STAT1: variants seen among roughly 807,000 people sequenced by gnomAD.
STAT1 encodes signal transducer and activator of transcription 1-alpha/beta.
STAT1 carries 24 observed loss-of-function variants against 111.7 expected under a neutral mutation model. That is an observed-to-expected ratio of 0.21 (90% CI 0.16 to 0.30). The LOEUF is 0.30. Among genes scored for constraint, STAT1 ranks in the 10% least tolerant of loss-of-function variants. The pLI is 1.00. For synonymous variants in STAT1, 332 were observed against 326.5 expected (o/e 1.02, Z -0.18); for missense variants, 351 against 911.9 (o/e 0.38, Z 7.92).
At chr2:190,992,207 C>T in intron 10 of STAT1, among the ~76,000 whole-genome samples, 1 of 152,134 alleles carries the variant, frequency 6.6e-6, no homozygotes, top group Non-Finnish European at 1.5e-5. Context: ...ACTAGCAAAT[C>T]AGATCTTACA....
At chr2:190,992,523 A>G (rs926172447) in intron 10 of STAT1, 13 of 307,782 alleles carry the variant, frequency 4.2e-5, no homozygotes, top group Admixed American at 3.1e-4. Context: ...ACCTCTGTGG[A>G]TATGGTAAGA....
intron 12 of STAT1, among the ~76,000 whole-genome samples, chr2:190,988,454 C>T (rs1399360133): frequency 6.6e-6 from 1 of 152,236 alleles, no homozygotes; most frequent in African/African-American, 2.4e-5. Flanking sequence ...TCTCAGCTCA[C>T]TGCAACCTCT....
At position 190,993,128 on chromosome 2, in the gene STAT1, C is replaced by A; in HGVS notation, c.945-1808G>T. Reference sequence around the variant, plus strand: ...AGCACTAGTTTCCAAAAACAGAATTCCAAGGGAATCAGCAAATTCCTTGGC... The same window carrying A: ...AGCACTAGTTTCCAAAAACAGAATTACAAGGGAATCAGCAAATTCCTTGGC... On this transcript the variant is annotated intron_variant, in intron 10 of 24. Transcript: ENST00000361099. This position sits in a 1 kb window ranked among gnomAD's most constrained non-coding sequence, Gnocchi z 4.1. 2.4e-6 allele frequency: 1 copy of A among 422,262 alleles called. No individual in the cohort carries two copies. Among genetic ancestry groups the A allele is most frequent in the South Asian group, 2.1e-5 (1 of 47,250 alleles). 26.2% of individuals were successfully genotyped at this position (422,262 alleles called of 1,614,324 possible). A position where few individuals can be genotyped will look rare whatever the true frequency, so the allele number is the denominator to read the frequency against.
intron 10 of STAT1, among the ~76,000 whole-genome samples, chr2:190,994,746 C>T (rs1015777072): frequency 1.3e-5 from 2 of 151,566 alleles, no homozygotes; most frequent in Non-Finnish European, 2.9e-5. Flanking sequence ...CATGGCGAAA[C>T]CCAGTCTCTA....
Position 191,003,515 on chromosome 2 carries a change from T to TG in STAT1, c.373-2353dup, listed in dbSNP as rs1694442823. On this transcript the variant is annotated intron_variant, in intron 5 of 24. Transcript: ENST00000361099. This position sits in a 1 kb window ranked among gnomAD's most constrained non-coding sequence, Gnocchi z 4.0. ...CATGAATAGTTTAGCACCATCCTCTTGGTACTATCCTTGTGATCACGAGTT... is the reference window on the plus strand; with the variant it reads ...CATGAATAGTTTAGCACCATCCTCTTGGGTACTATCCTTGTGATCACGAGTT... Among the ~76,000 whole-genome samples the TG allele has an allele frequency of 6.6e-6, 1 of 152,172 alleles. No homozygotes were observed. The highest frequency in any genetic ancestry group is 2.4e-5 in the African/African-American group (1 of 41,430).
chr2:190,975,702 C>A lies in STAT1; in HGVS notation c.2135+110G>T. ...ATCTCAACAAGTTCAGCTGTGATGG[C>A]GATAGCAATTACAATGGAAAAGTAA... On this transcript the variant is annotated intron_variant, in intron 23 of 24. Transcript: ENST00000361099. This position sits in a 1 kb window ranked among gnomAD's most constrained non-coding sequence, Gnocchi z 5.9. 6.5e-7 allele frequency: 1 copy of A among 1,549,362 alleles called. No homozygotes were observed. The highest frequency in any genetic ancestry group is 1.2e-5 in the South Asian group (1 of 84,666).
intron 15 of STAT1, among the ~76,000 whole-genome samples, chr2:190,985,051 C>T (rs191852145): frequency 6.6e-6 from 1 of 152,344 alleles, no homozygotes; most frequent in Admixed American, 6.5e-5. Flanking sequence ...AAGGACTGCA[C>T]ACTGTGTGTG....
rs138109229 is a variant in STAT1 at position 190,982,016 on chromosome 2, G to A, written c.1582+367C>T. On this transcript the variant is annotated intron_variant, in intron 18 of 24. Coordinates refer to ENST00000361099, the MANE Select transcript of STAT1 (RefSeq NM_007315.4). This position sits in a 1 kb window ranked among gnomAD's most constrained non-coding sequence, Gnocchi z 7.3. ...GCCCCAGGACTTTATTTCTCATCAT[G>A]TCAGGGACTTCCTTTTTTCTCCCCA... Among the ~76,000 whole-genome samples, 113 of 152,360 alleles carry A rather than the reference G, an allele frequency of 7.4e-4. No homozygotes were observed. The highest frequency in any genetic ancestry group is 3.4e-3 in the Middle Eastern group (1 of 294).
At position 190,969,200 on chromosome 2, in the gene STAT1, A is replaced by G. The variant is rs1559001454; in HGVS notation, c.*1503T>C. ...TCTTCTTTGTTTTTTAGTCATTTCA[A>G]TTGTAAAATCAACTGAAACTTAGGT... is the stretch of plus-strand genomic sequence containing the variant. On this transcript the variant is annotated 3_prime_UTR_variant, in exon 25 of 25. Coordinates refer to ENST00000361099, the MANE Select transcript of STAT1 (RefSeq NM_007315.4). The G allele has an allele frequency of 6.6e-6, 1 of 152,168 alleles. No individual in the cohort carries two copies. Among genetic ancestry groups the G allele is most frequent in the Non-Finnish European group, 1.5e-5 (1 of 68,004 alleles). 9.4% of individuals were successfully genotyped at this position (152,168 alleles called of 1,614,324 possible). A position where few individuals can be genotyped will look rare whatever the true frequency, so the allele number is the denominator to read the frequency against.
At chr2:191,011,462 G>T (rs1404487527) in intron 2 of STAT1, among the ~76,000 whole-genome samples, 1 of 152,102 alleles carries the variant, frequency 6.6e-6, no homozygotes, top group Non-Finnish European at 1.5e-5. Flanking sequence ...TGTCATCCAG[G>T]TTGGAGCGCA....
At position 190,975,907 on chromosome 2, in the gene STAT1, G is replaced by A. The variant is rs770276108; in HGVS notation, c.2060-20C>T. The A allele has an allele frequency of 6.3e-7, 1 of 1,597,390 alleles. No individual in the cohort carries two copies. The highest frequency in any genetic ancestry group is 1.7e-5 in the Admixed American group (1 of 59,978). ...CTGGTGCTAGAAATAAACACATTGT[G>A]TACGCTTTCCATCAACCGAAATTCC... On this transcript the variant is annotated intron_variant, in intron 22 of 24. Coordinates refer to ENST00000361099, the MANE Select transcript of STAT1 (RefSeq NM_007315.4). The surrounding 1 kb of genome is among the most constrained non-coding windows in gnomAD (Gnocchi z 5.9).
rs1692862480 is a variant in STAT1, at chr2:190,986,783, A to G, written c.1221+71T>C. 3.4e-6 allele frequency: 5 copies of G among 1,480,654 alleles called. No homozygotes were observed. The highest frequency in any genetic ancestry group is 1.1e-5 in the South Asian group (1 of 88,340). 91.7% of individuals were successfully genotyped at this position (1,480,654 alleles called of 1,614,324 possible). ...GCGTCCTCCACATGGCAATGTGCCAAAAAGGGCTGCTCTATTGTCAAAAGT... is the reference window on the plus strand; with the variant it reads ...GCGTCCTCCACATGGCAATGTGCCAGAAAGGGCTGCTCTATTGTCAAAAGT... On this transcript the variant is annotated intron_variant, in intron 14 of 24. Transcript: ENST00000361099. The surrounding 1 kb of genome is among the most constrained non-coding windows in gnomAD (Gnocchi z 5.0).
In STAT1 at chr2:190,981,123, G is replaced by C. The variant is rs1283675835; in HGVS notation, c.1583-454C>G. Among the ~76,000 whole-genome samples the C allele has an allele frequency of 6.6e-6, 1 of 152,044 alleles. No individual in the cohort carries two copies. The highest frequency in any genetic ancestry group is 2.4e-5 in the African/African-American group (1 of 41,396). On this transcript the variant is annotated intron_variant, in intron 18 of 24. Coordinates refer to ENST00000361099, the MANE Select transcript of STAT1 (RefSeq NM_007315.4). This position sits in a 1 kb window ranked among gnomAD's most constrained non-coding sequence, Gnocchi z 4.1. ...ACTTTGCCTTTTGCACTAAATCAAA[G>C]GTGTTCTGCTGGGCCTCCTAGAGAA...
chr2:190,974,407 T>C lies in STAT1; in HGVS notation c.2238+423A>G, dbSNP rs1691737351. ...TCATTGCTGCTAAAGTATAATTCTC[T>C]CTAATTACTGTAACTACCAAGCGTT... On this transcript the variant is annotated intron_variant, in intron 24 of 24. Coordinates refer to ENST00000361099, the MANE Select transcript of STAT1 (RefSeq NM_007315.4). This position sits in a 1 kb window ranked among gnomAD's most constrained non-coding sequence, Gnocchi z 4.8. Among the ~76,000 whole-genome samples, 1 of 152,204 alleles carries C rather than the reference T, an allele frequency of 6.6e-6. No homozygotes were observed. The highest frequency in any genetic ancestry group is 2.4e-5 in the African/African-American group (1 of 41,438).
rs747184957 is a variant in STAT1, at chr2:190,993,402, C to A, written c.944+1659G>T. 6 of 1,391,832 alleles carry A rather than the reference C, an allele frequency of 4.3e-6. No individual in the cohort carries two copies. Among genetic ancestry groups the A allele is most frequent in the Admixed American group, 1.9e-5 (1 of 52,298 alleles). The allele number at this position is 1,391,832 out of a possible 1,614,324, so 86.2% of individuals were successfully genotyped here. ...ATTTGAAGCTTGATTGTTTTCCCGT[C>A]TAACTCTATAGTTCTTATTTTGAAA... On this transcript the variant is annotated intron_variant, in intron 10 of 24. Transcript: ENST00000361099. This position sits in a 1 kb window ranked among gnomAD's most constrained non-coding sequence, Gnocchi z 4.1.
Position 190,984,906 on chromosome 2 carries a change from A to G in STAT1, c.1264-513T>C, listed in dbSNP as rs931123256. Among the ~76,000 whole-genome samples, 3 of 152,214 alleles carry G rather than the reference A, an allele frequency of 2.0e-5. No individual in the cohort carries two copies. Among genetic ancestry groups the G allele is most frequent in the Non-Finnish European group, 2.9e-5 (2 of 68,042 alleles). ...CATGTGAGCCTCACAACTTAGAACTAGAGAGGTGCAACAGCTAGACCCAGG... is the reference window on the plus strand; with the variant it reads ...CATGTGAGCCTCACAACTTAGAACTGGAGAGGTGCAACAGCTAGACCCAGG... On this transcript the variant is annotated intron_variant, in intron 15 of 24. Coordinates refer to ENST00000361099, the MANE Select transcript of STAT1 (RefSeq NM_007315.4). The surrounding 1 kb of genome is among the most constrained non-coding windows in gnomAD (Gnocchi z 5.2).
At chr2:190,972,908 C>G (rs16824035) in intron 24 of STAT1, among the ~76,000 whole-genome samples, 1 of 150,774 alleles carries the variant, frequency 6.6e-6, no homozygotes, top group African/African-American at 2.4e-5. Context: ...TGAAATGGAA[C>G]GGAATGGCTA....
In STAT1 at chr2:190,979,859, A is replaced by T; in HGVS notation, c.1640T>A (p.Ile547Lys). ...CCAGAAGGGAAAATTTTTATCATTT[A>T]TATTTTCCTGAAAGTATACAAATGC... ...IPWTRFCKEN[I>K]NDKNFPFWLW... is the part of the protein sequence containing the mutation. Residue 547 changes from isoleucine to lysine, a missense_variant, in exon 20 of 25, where the codon ATA becomes AAA. Physicochemically the swap from Ile to Lys is moderately radical, Grantham distance 102. Around this residue, in one of 7 missense-constraint regions of STAT1, gnomAD observed 181 missense variants for 426.1 expected, o/e 0.42. Transcript: ENST00000361099. This position sits in a 1 kb window ranked among gnomAD's most constrained non-coding sequence, Gnocchi z 5.8. 1 of 1,606,682 alleles carries T rather than the reference A, an allele frequency of 6.2e-7. No homozygotes were observed. The highest frequency in any genetic ancestry group is 8.5e-7 in the Non-Finnish European group (1 of 1,173,270).
rs1694827319 is a variant in STAT1 at position 191,007,906 on chromosome 2, A to G, written c.274-245T>C. The G allele has an allele frequency of 1.8e-6, 1 of 558,780 alleles. No individual in the cohort carries two copies. Among genetic ancestry groups the G allele is most frequent in the Non-Finnish European group, 3.3e-6 (1 of 306,058 alleles). The allele number at this position is 558,780 out of a possible 1,614,324, so 34.6% of individuals were successfully genotyped here. On this transcript the variant is annotated intron_variant, in intron 4 of 24. Transcript: ENST00000361099. The surrounding 1 kb of genome is among the most constrained non-coding windows in gnomAD (Gnocchi z 4.2). ...TTGATTTAAAAACAAGTATTTTCAC[A>G]TATGGTTCACATAATATTTTTACTT...
Sources: gnomAD v4.1 joint callset for allele counts (sites outside exome capture counted in the v4.1 genomes callset) on GRCh38, gnomAD v4.1.1 for gene constraint, gnomAD v4.1.1 regional missense constraint, Gnocchi (gnomAD v3.1) non-coding constraint, MANE v1.5 for transcripts, NCBI Gene and HGNC (gene_info 2026-07-23, HGNC 2026-07-21) for gene names.